Variants in CACHD1 observed in about 807,000 individuals in gnomAD.
CACHD1 encodes the protein cache domain containing 1, also known as VWFA and cache domain-containing protein 1.
Under a neutral mutation model 138.7 loss-of-function variants are expected in CACHD1, and 71 were observed. The observed-to-expected ratio is 0.51, with a 90% CI of 0.42 to 0.62. The LOEUF is 0.62. Among genes scored for constraint, CACHD1 ranks in the 20% least tolerant of loss-of-function variants. The probability of loss-of-function intolerance (pLI) is 0.00; values close to 1 mark genes in which losing one functional copy is unlikely to be tolerated. For missense variants in CACHD1, 1,389 were observed against 1,625.3 expected, an observed-to-expected ratio of 0.85 and a Z score of 2.50; for synonymous variants, 578 against 591.5, an observed-to-expected ratio of 0.98 and a Z score of 0.33.
At chr1:64,625,402 G>A (rs554120491) in intron 4 of CACHD1, among the ~76,000 whole-genome samples, 13 of 152,236 alleles carry the variant, frequency 8.5e-5, no homozygotes, top group South Asian at 2.1e-4. Context: ...CAAGGCAGGC[G>A]GATCACTTGA....
intron 1 of CACHD1, among the ~76,000 whole-genome samples, chr1:64,511,125 A>G (rs180744214): frequency 5.3e-5 from 8 of 152,342 alleles, no homozygotes; most frequent in African/African-American, 1.9e-4. Flanking sequence ...TAGGACATTA[A>G]AGCAGATGGA....
rs1553146851 is a variant in CACHD1 at position 64,681,541 on chromosome 1, G to GGTTTTTTTTTTTTTTTTTTTTTT, written c.3484+206_3484+207insGTTTTTTTTTTTTTTTTTTTTTT. Among the ~76,000 whole-genome samples, 29 of 68,142 alleles carry GGTTTTTTTTTTTTTTTTTTTTTT rather than the reference G, an allele frequency of 4.3e-4. 3 individuals are homozygous for GGTTTTTTTTTTTTTTTTTTTTTT. Among genetic ancestry groups the GGTTTTTTTTTTTTTTTTTTTTTT allele is most frequent in the African/African-American group, 1.6e-3 (22 of 13,656 alleles). The allele number at this position is 68,142 out of a possible 152,430, so 44.7% of individuals were successfully genotyped here. ...AGAGAATCTCAAAAGATTTTATTGT[G>GGTTTTTTTTTTTTTTTTTTTTTT]TTTTTTTTTTTTTTTTTTTTTTTGC... On this transcript the variant is annotated intron_variant, in intron 25 of 26. Transcript: ENST00000651257.
intron 26 of CACHD1, among the ~76,000 whole-genome samples, chr1:64,688,022 G>C (rs78298208): frequency 0.12 from 17,528 of 151,688 alleles, 1,081 homozygotes; most frequent in African/African-American, 0.17. Flanking sequence ...CTGGAGGTGG[G>C]TGGGGGAAAT....
intron 1 of CACHD1, among the ~76,000 whole-genome samples, chr1:64,528,254 A>G (rs191658228): frequency 7.1e-4 from 108 of 152,198 alleles, no homozygotes; most frequent in African/African-American, 2.5e-3. Flanking sequence ...CAAATGAAAT[A>G]AGAAGTATTT....
intron 1 of CACHD1, among the ~76,000 whole-genome samples, chr1:64,523,202 A>G (rs930246988): frequency 2.6e-5 from 4 of 152,230 alleles, no homozygotes; most frequent in African/African-American, 7.2e-5. Flanking sequence ...ATGACACAAT[A>G]TGGTATCTTT....
At chr1:64,537,280 T>C (rs1355434759) in intron 1 of CACHD1, among the ~76,000 whole-genome samples, 1 of 152,154 alleles carries the variant, frequency 6.6e-6, no homozygotes, top group African/African-American at 2.4e-5. Context: ...AAAAAAATTG[T>C]TTGTTGAGCG....
intron 1 of CACHD1, among the ~76,000 whole-genome samples, chr1:64,492,871 C>T (rs1646286324): frequency 6.6e-6 from 1 of 152,166 alleles, no homozygotes; most frequent in South Asian, 2.1e-4. Context: ...TAGAAAGATG[C>T]CTGTTTTCTT....
rs754977088 is a variant in CACHD1, at chr1:64,658,758, T to A, written c.1836T>A (p.Pro612=). The change falls in exon 13 of 27, where the codon CCT becomes CCA. Residue 612 remains proline, a synonymous_variant. Coordinates refer to ENST00000651257, the MANE Select transcript of CACHD1 (RefSeq NM_020925.4). ...TTGTGGTGATACAACCAGAAATACC[T>A]GTGAAACAACTGAAGAACCTCAACA... The part of the protein sequence containing the change: ...LCIVVIQPEI[P]VKQLKNLNTV... The A allele has an allele frequency of 6.2e-7, 1 of 1,611,504 alleles. No individual in the cohort carries two copies. Among genetic ancestry groups the A allele is most frequent in the East Asian group, 2.2e-5 (1 of 44,836 alleles).
chr1:64,480,887 T>C (rs1053312698), intron 1 of CACHD1, among the ~76,000 whole-genome samples: 18 of 134,222 alleles, frequency 1.3e-4, no homozygotes, highest in Admixed American at 2.2e-4. Context: ...TCTCTCTCCC[T>C]TTTTTTTTTT....
chr1:64,476,517 G>A lies in CACHD1; in HGVS notation c.198+5575G>A, dbSNP rs145855502. Among the ~76,000 whole-genome samples, 559 of 152,268 alleles carry A rather than the reference G, an allele frequency of 3.7e-3. 3 individuals are homozygous for A. Among genetic ancestry groups the A allele is most frequent in the African/African-American group, 0.013 (526 of 41,544 alleles). On this transcript the variant is annotated intron_variant, in intron 1 of 26. Transcript: ENST00000651257. Reference sequence around the variant, plus strand: ...TGCAAATAATGTGATTTGATTCTACGCCTTGTGTACCATATAAGCCTTAGT... The same window carrying A: ...TGCAAATAATGTGATTTGATTCTACACCTTGTGTACCATATAAGCCTTAGT...
rs146837885 is a variant in CACHD1, at chr1:64,526,811, T to C, written c.199-23783T>C. Among the ~76,000 whole-genome samples the C allele has an allele frequency of 5.1e-3, 781 of 152,354 alleles. 14 individuals are homozygous for C. Among genetic ancestry groups the C allele is most frequent in the African/African-American group, 0.018 (746 of 41,588 alleles). ...TCCATCTTCCTTTCCTTCTTTCCTC[T>C]TCTCCACCCACCTCTGGTTTGGTTT... On this transcript the variant is annotated intron_variant, in intron 1 of 26. Transcript: ENST00000651257.
intron 16 of CACHD1, among the ~76,000 whole-genome samples, chr1:64,670,718 T>C (rs1219692071): frequency 6.6e-6 from 1 of 152,208 alleles, no homozygotes; most frequent in East Asian, 1.9e-4. Flanking sequence ...TTAGCTTCTA[T>C]TTTTTTAGGT....
Position 64,653,897 on chromosome 1 carries a change from G to T in CACHD1, c.1664+16G>T. On this transcript the variant is annotated intron_variant, in intron 11 of 26. Coordinates refer to ENST00000651257, the MANE Select transcript of CACHD1 (RefSeq NM_020925.4). ...ATATCCTAAGGTAAGGAAAAGGTGA[G>T]GGTCATAGGATTGTTTTTCCCTGAG... 1 of 1,610,252 alleles carries T rather than the reference G, an allele frequency of 6.2e-7. No homozygotes were observed.
chr1:64,625,821 A>G (rs945689293), intron 4 of CACHD1, among the ~76,000 whole-genome samples: 12 of 152,148 alleles, frequency 7.9e-5, no homozygotes, highest in African/African-American at 2.9e-4. Flanking sequence ...ATTTTGCTCT[A>G]TTCTGATTTA....
chr1:64,550,695 C>A, intron 2 of CACHD1, 39 bp downstream of exon 2: 1 of 1,417,046 alleles, frequency 7.1e-7, no homozygotes, highest in Non-Finnish European at 9.9e-7. Flanking sequence ...CTGTCTTTGT[C>A]TTGCTTTTAG....
chr1:64,623,443 C>T (rs1285112318), intron 4 of CACHD1, among the ~76,000 whole-genome samples: 1 of 136,842 alleles, frequency 7.3e-6, no homozygotes, highest in Non-Finnish European at 1.6e-5. Flanking sequence ...GATTTTAGAA[C>T]TTAACACACA....
At chr1:64,621,105 TAC>T (rs1355945306) in intron 4 of CACHD1, among the ~76,000 whole-genome samples, 7 of 152,206 alleles carry the variant, frequency 4.6e-5, no homozygotes, top group Non-Finnish European at 1.0e-4. Context: ...TGATAATTAA[TAC>T]TTAAAATGGT....
chr1:64,682,672 G>T (rs551079403), intron 26 of CACHD1, among the ~76,000 whole-genome samples: 1 of 152,168 alleles, frequency 6.6e-6, no homozygotes, highest in African/African-American at 2.4e-5. Context: ...AGATGCTCAG[G>T]AAGGGTCAAG....
At chr1:64,690,259 C>A (rs1420898628) in intron 26 of CACHD1, among the ~76,000 whole-genome samples, 1 of 152,112 alleles carries the variant, frequency 6.6e-6, no homozygotes, top group Non-Finnish European at 1.5e-5. Context: ...TCATTGAGGA[C>A]AGAATTTTTG....
Sources: allele counts gnomAD v4.1 joint callset (sites outside exome capture counted in the v4.1 genomes callset), GRCh38; gene constraint gnomAD v4.1.1; transcripts MANE v1.5; gene names NCBI Gene and HGNC (gene_info 2026-07-23, HGNC 2026-07-21).